CFAP299: variants seen among roughly 807,000 people sequenced by gnomAD.
CFAP299 encodes the protein cilia- and flagella-associated protein 299.
A neutral mutation model predicts 27.0 loss-of-function variants in CFAP299; 21 were observed. The observed-to-expected ratio is 0.78, with a 90% confidence interval of 0.55 to 1.12. The LOEUF is 1.12. Among genes scored for constraint, CFAP299 ranks in the 50% most tolerant of loss-of-function variants. The probability of loss-of-function intolerance (pLI) is 0.00; values close to 1 mark genes in which losing one functional copy is unlikely to be tolerated. For missense variants in CFAP299, 310 were observed against 276.6 expected, an observed-to-expected ratio of 1.12 and a Z score of -0.86; for synonymous variants, 104 against 98.1, an observed-to-expected ratio of 1.06 and a Z score of -0.36.
chr4:80,963,188 A>G (rs1243936603), intron 5 of CFAP299, among the ~76,000 whole-genome samples: 1 of 152,084 alleles, frequency 6.6e-6, no homozygotes, highest in African/African-American at 2.4e-5. Flanking sequence ...ATTACCCTGA[A>G]GTCACATGTG....
chr4:80,845,491 GCT>G (rs1354963249), intron 3 of CFAP299, among the ~76,000 whole-genome samples: 1 of 151,982 alleles, frequency 6.6e-6, no homozygotes, highest in African/African-American at 2.4e-5. Flanking sequence ...CCTCTTCTCT[GCT>G]CTCACTACTG....
intron 3 of CFAP299, among the ~76,000 whole-genome samples, chr4:80,695,735 T>G (rs963098942): frequency 1.3e-5 from 2 of 149,724 alleles, no homozygotes; most frequent in African/African-American, 4.9e-5. Context: ...TGCAGTGGCA[T>G]AATCATGGCT....
chr4:80,822,773 TA>T (rs1157873870), intron 3 of CFAP299, among the ~76,000 whole-genome samples: 1 of 152,212 alleles, frequency 6.6e-6, no homozygotes, highest in African/African-American at 2.4e-5. Context: ...GTGCTTATTC[TA>T]GGAAATTGTG....
intron 3 of CFAP299, among the ~76,000 whole-genome samples, chr4:80,593,615 T>G (rs943669644): frequency 1.3e-5 from 2 of 152,224 alleles, no homozygotes; most frequent in African/African-American, 4.8e-5. Context: ...CTGAGCAGGC[T>G]GGCTAGAGAT....
intron 2 of CFAP299, among the ~76,000 whole-genome samples, chr4:80,393,528 T>A (rs1365576726): frequency 2.0e-5 from 3 of 151,922 alleles, no homozygotes; most frequent in South Asian, 2.1e-4. Flanking sequence ...TAATTTTTCA[T>A]TTTTTATGCT....
intron 3 of CFAP299, among the ~76,000 whole-genome samples, chr4:80,826,559 T>C (rs557726288): frequency 6.6e-6 from 1 of 151,736 alleles, no homozygotes; most frequent in Admixed American, 6.6e-5. Context: ...ACATCAAAAA[T>C]GTATGAAGCA....
intron 2 of CFAP299, among the ~76,000 whole-genome samples, chr4:80,508,695 A>G (rs6856538): frequency 0.23 from 35,613 of 151,862 alleles, 5,112 homozygotes; most frequent in African/African-American, 0.41. Context: ...AGTAGCTGGG[A>G]CTCCAGGAGT....
At chr4:80,924,368 C>T (rs1039737067) in intron 4 of CFAP299, among the ~76,000 whole-genome samples, 1 of 151,726 alleles carries the variant, frequency 6.6e-6, no homozygotes, top group African/African-American at 2.4e-5. Flanking sequence ...CCAGGTTCTA[C>T]CTCTTGTTCA....
chr4:80,390,914 T>C (rs566605729), intron 2 of CFAP299, among the ~76,000 whole-genome samples: 2 of 67,464 alleles, frequency 3.0e-5, no homozygotes, highest in African/African-American at 6.7e-5. Context: ...TATATGTATA[T>C]ACACACATAT....
chr4:80,521,494 T>C (rs1732909371), intron 2 of CFAP299, among the ~76,000 whole-genome samples: 1 of 152,166 alleles, frequency 6.6e-6, no homozygotes, highest in Non-Finnish European at 1.5e-5. Context: ...ATCTATCTGC[T>C]TAACAAATTT....
chr4:80,870,569 AC>A, intron 4 of CFAP299: 1 of 987,260 alleles, frequency 1.0e-6, no homozygotes, highest in Middle Eastern at 5.2e-4. Context: ...ATTCTGGGAC[AC>A]CCATTCCTTA....
chr4:80,888,105 T>C (rs1734061075), intron 4 of CFAP299, among the ~76,000 whole-genome samples: 1 of 151,596 alleles, frequency 6.6e-6, no homozygotes, highest in African/African-American at 2.4e-5. Context: ...AGAAAACAAA[T>C]AACAAAATGG....
At chr4:80,801,960 T>C (rs528687215) in intron 3 of CFAP299, among the ~76,000 whole-genome samples, 9 of 152,132 alleles carry the variant, frequency 5.9e-5, no homozygotes, top group Non-Finnish European at 1.2e-4. Context: ...CACTTTCTGA[T>C]GTCAGAGAAA....
chr4:80,499,296 A>G (rs72874050), intron 2 of CFAP299, among the ~76,000 whole-genome samples: 11,627 of 152,180 alleles, frequency 0.076, 642 homozygotes, highest in East Asian at 0.25. Context: ...ATGTCATTCA[A>G]TCTTTTTCTC....
intron 2 of CFAP299, among the ~76,000 whole-genome samples, chr4:80,508,923 G>C (rs1241721507): frequency 6.6e-6 from 1 of 152,150 alleles, no homozygotes; most frequent in Admixed American, 6.5e-5. Flanking sequence ...CCAAATGACA[G>C]ACTGCCAACA....
chr4:80,590,916 T>C (rs1736702118), intron 3 of CFAP299, among the ~76,000 whole-genome samples: 1 of 151,962 alleles, frequency 6.6e-6, no homozygotes, highest in South Asian at 2.1e-4. Context: ...CTTTAAAATT[T>C]ATGATTCCAA....
chr4:80,943,222 C>T (rs1432653578), intron 4 of CFAP299, among the ~76,000 whole-genome samples: 1 of 152,122 alleles, frequency 6.6e-6, no homozygotes, highest in Non-Finnish European at 1.5e-5. Context: ...ATTCTATGTC[C>T]TGGCCATAGA....
At chr4:80,799,268 ATAT>A (rs1158281785) in intron 3 of CFAP299, among the ~76,000 whole-genome samples, 2 of 110,574 alleles carry the variant, frequency 1.8e-5, no homozygotes, top group East Asian at 2.3e-4. Context: ...TATTTATATA[ATAT>A]TTATATATAT....
intron 3 of CFAP299, among the ~76,000 whole-genome samples, chr4:80,654,334 G>A (rs1740452321): frequency 6.6e-6 from 1 of 152,080 alleles, no homozygotes; most frequent in Non-Finnish European, 1.5e-5. Context: ...TGGTCTGGAA[G>A]ATTTCTCATG....
Sources: allele counts gnomAD v4.1 joint callset (sites outside exome capture counted in the v4.1 genomes callset), GRCh38; gene constraint gnomAD v4.1.1; transcripts MANE v1.5; gene names NCBI Gene and HGNC (gene_info 2026-07-23, HGNC 2026-07-21).